The following PFKFB3 variants were observed in gnomAD, a reference collection of about 807,000 sequenced individuals.
PFKFB3 encodes 6-phosphofructo-2-kinase/fructose-2,6-bisphosphatase 3.
In PFKFB3, 33 loss-of-function variants were observed where a neutral mutation model predicts 68.0. The observed-to-expected ratio is 0.49, with a 90% CI of 0.37 to 0.65. The LOEUF is 0.65. Ranked by LOEUF, PFKFB3 falls within the 30% of genes least tolerant of loss-of-function variation. The probability of loss-of-function intolerance (pLI) is 0.00; values close to 1 mark genes in which losing one functional copy is unlikely to be tolerated. For missense variants in PFKFB3, 586 were observed against 712.2 expected (o/e 0.82, Z 2.02); for synonymous variants, 315 against 288.2 (o/e 1.09, Z -0.94).
At chr10:6,172,443 C>G in intron 1 of PFKFB3, among the ~76,000 whole-genome samples, 1 of 152,196 alleles carries the variant, frequency 6.6e-6, no homozygotes, top group East Asian at 1.9e-4. Flanking sequence ...CCAGTGTGAG[C>G]AAACGTTCAG....
intron 13 of PFKFB3, chr10:6,225,369 T>C (rs1845272916): frequency 2.7e-6 from 1 of 376,426 alleles, no homozygotes; most frequent in Non-Finnish European, 5.4e-6. Flanking sequence ...TGGGGTCCCT[T>C]GGCCGCCTTG....
rs1371465280 is a variant in PFKFB3, at chr10:6,222,898, A to G, written c.1127A>G (p.Glu376Gly). ...CAGCGCTTGGAGCCAGTGATCATGG[A>G]GCTGGAGCGGCAGGAGAATGTGCTG... is the stretch of plus-strand genomic sequence containing the variant. ...LVQRLEPVIM[E>G]LERQENVLVI... Residue 376 changes from glutamate (E) to glycine (G), a missense_variant, in exon 11 of 15, where the codon GAG becomes GGG. Glu to Gly is a moderately conservative substitution (Grantham distance 98). Transcript: ENST00000379775. The G allele has an allele frequency of 6.2e-7, 1 of 1,613,844 alleles. No individual in the cohort carries two copies. The highest frequency in any genetic ancestry group is 2.2e-5 in the East Asian group (1 of 44,874).
downstream of PFKFB3, among the ~76,000 whole-genome samples, chr10:6,255,984 G>A (rs536565590): frequency 3.2e-3 from 493 of 152,304 alleles, 1 homozygote; most frequent in Non-Finnish European, 5.8e-3. Context: ...GCTTCAGCGG[G>A]AAGAGCCCCA....
intron 1 of PFKFB3, among the ~76,000 whole-genome samples, chr10:6,153,240 C>T (rs546260957): frequency 8.1e-4 from 123 of 152,190 alleles, no homozygotes; most frequent in African/African-American, 2.8e-3. Context: ...AATTGAAAGG[C>T]CGATGGGCTG....
chr10:6,249,199 A>AG (rs1255026766), intron 14 of PFKFB3, among the ~76,000 whole-genome samples: 8 of 146,992 alleles, frequency 5.4e-5, no homozygotes, highest in African/African-American at 1.0e-4. Context: ...AAAAAAAAAA[A>AG]AAAAGAAAAG....
rs374209512 is a variant in PFKFB3 at position 6,207,062 on chromosome 10, G to A, written c.76+3726G>A. ...GCGGCCGGGCAGAGGCTGCAATCTC[G>A]GCACTTTGGGAGGCCAAGGCAGGCG... On this transcript the variant is annotated intron_variant, in intron 1 of 14. Coordinates refer to ENST00000379775, the MANE Select transcript of PFKFB3 (RefSeq NM_004566.4). Among the ~76,000 whole-genome samples the A allele has an allele frequency of 1.0e-3, 153 of 150,676 alleles. 2 individuals carry two copies. Among genetic ancestry groups the A allele is most frequent in the East Asian group, 7.8e-3 (34 of 4,374 alleles).
At chr10:6,218,639 G>A (rs936495124) in intron 6 of PFKFB3, among the ~76,000 whole-genome samples, 1 of 152,036 alleles carries the variant, frequency 6.6e-6, no homozygotes, top group Non-Finnish European at 1.5e-5. Flanking sequence ...CACTGTGTTG[G>A]CCAGGCTGGT....
chr10:6,325,026 CA>C, the PFKFB3 span, among the ~76,000 whole-genome samples: 1 of 152,088 alleles, frequency 6.6e-6, no homozygotes, highest in Non-Finnish European at 1.5e-5. Context: ...TGCAGTGGTG[CA>C]ATCTTGACTC....
intron 1 of PFKFB3, among the ~76,000 whole-genome samples, chr10:6,170,195 C>A (rs76165034): frequency 0.011 from 1,650 of 152,264 alleles, 69 homozygotes; most frequent in East Asian, 0.099. Flanking sequence ...ATTTAATCCC[C>A]AAACAGAGGT....
chr10:6,310,685 G>T, the PFKFB3 span, among the ~76,000 whole-genome samples: 2 of 152,054 alleles, frequency 1.3e-5, no homozygotes, highest in Non-Finnish European at 2.9e-5. Context: ...ACAAAATATC[G>T]TGAACAAATA....
chr10:6,239,551 A>G (rs183443182), downstream of PFKFB3, among the ~76,000 whole-genome samples: 66 of 152,292 alleles, frequency 4.3e-4, no homozygotes, highest in African/African-American at 1.5e-3. Context: ...GTGGGTCATA[A>G]CTCAAGATGC....
chr10:6,207,588 A>G (rs1171438531), intron 1 of PFKFB3, among the ~76,000 whole-genome samples: 1 of 152,162 alleles, frequency 6.6e-6, no homozygotes, highest in Admixed American at 6.5e-5. Flanking sequence ...TACCATTCCC[A>G]GCCTCCCTGA....
the PFKFB3 span, among the ~76,000 whole-genome samples, chr10:6,274,318 C>G: frequency 0.12 from 17,511 of 152,222 alleles, 1,215 homozygotes; most frequent in South Asian, 0.18. Flanking sequence ...GCTGTAGCCC[C>G]TCTGGTCCTC....
chr10:6,305,694 T>C, the PFKFB3 span, among the ~76,000 whole-genome samples: 4 of 152,244 alleles, frequency 2.6e-5, no homozygotes, highest in South Asian at 8.3e-4. Flanking sequence ...ATTCTTTTAC[T>C]GTGAGCTGCT....
chr10:6,187,949 T>TTCTATCTATCTA (rs36144362), intron 1 of PFKFB3, among the ~76,000 whole-genome samples: 10,111 of 149,624 alleles, frequency 0.068, 684 homozygotes, highest in African/African-American at 0.17. Flanking sequence ...CCCTCTCCAT[T>TTCTATCTATCTA]TCTATCTATC....
At chr10:6,189,015 T>C (rs1588444587) in intron 1 of PFKFB3, among the ~76,000 whole-genome samples, 1 of 151,902 alleles carries the variant, frequency 6.6e-6, no homozygotes, top group African/African-American at 2.4e-5. Flanking sequence ...TTTAAAAAAA[T>C]TTTTTAGTGG....
intron 14 of PFKFB3, chr10:6,231,202 A>T: frequency 8.4e-7 from 1 of 1,185,212 alleles, no homozygotes. Flanking sequence ...CCTACTAAAG[A>T]TTTTCTTTTT....
intron 1 of PFKFB3, among the ~76,000 whole-genome samples, chr10:6,211,593 A>G (rs1249450673): frequency 3.9e-5 from 6 of 152,124 alleles, no homozygotes. Flanking sequence ...GGAGGCCACC[A>G]TCTCTCCGTG....
intron 1 of PFKFB3, among the ~76,000 whole-genome samples, chr10:6,174,534 C>T (rs1178458488): frequency 3.3e-5 from 5 of 152,216 alleles, no homozygotes; most frequent in East Asian, 1.9e-4. Flanking sequence ...CGGCCCCCGC[C>T]GAGAAAGCCA....
Sources: gnomAD v4.1 joint callset for allele counts (sites outside exome capture counted in the v4.1 genomes callset) on GRCh38, gnomAD v4.1.1 for gene constraint, MANE v1.5 for transcripts, NCBI Gene and HGNC (gene_info 2026-07-23, HGNC 2026-07-21) for gene names.